The following CSMD1 variants were observed in gnomAD, a reference collection of about 807,000 sequenced individuals.
CSMD1 encodes CUB and sushi domain-containing protein 1.
In CSMD1, 213 loss-of-function variants were observed where a neutral mutation model predicts 417.5. The observed-to-expected ratio is 0.51, with a 90% CI of 0.46 to 0.57. CSMD1 has a LOEUF of 0.57. Among genes scored for constraint, CSMD1 ranks in the 20% least tolerant of loss-of-function variants. The probability of loss-of-function intolerance (pLI) is 0.00; values close to 1 mark genes in which losing one functional copy is unlikely to be tolerated. For missense variants in CSMD1, 6,923 were observed against 4,529.7 expected (o/e 1.53, Z -15.17); for synonymous variants, 2,862 against 1,736.8 (o/e 1.65, Z -16.11).
rs1204630576 is a variant in CSMD1, at chr8:3,965,780, G to A, written c.818+32123C>T. Among the ~76,000 whole-genome samples the A allele has an allele frequency of 2.0e-5, 3 of 152,082 alleles. No individual in the cohort carries two copies. The East Asian group carries it at 5.8e-4, about 30-fold the overall frequency. ...CTACAGGCATGTGACACCACACCTG[G>A]CTAATATTTTGTACCTTTAGTAGAG... On this transcript the variant is annotated intron_variant, in intron 5 of 69. Coordinates refer to ENST00000635120, the MANE Select transcript of CSMD1 (RefSeq NM_033225.6).
At chr8:4,528,993 G>A (rs1412714887) in intron 2 of CSMD1, among the ~76,000 whole-genome samples, 7 of 152,122 alleles carry the variant, frequency 4.6e-5, no homozygotes, top group Admixed American at 3.3e-4. Context: ...TTAACAAAAG[G>A]TGACGTTTGT....
intron 6 of CSMD1, among the ~76,000 whole-genome samples, chr8:3,709,344 T>C (rs1187303111): frequency 6.6e-6 from 1 of 152,108 alleles, no homozygotes; most frequent in Admixed American, 6.5e-5. Flanking sequence ...TCCAAATCTT[T>C]GCTTACAACA....
intron 41 of CSMD1, among the ~76,000 whole-genome samples, chr8:3,131,613 A>C (rs1817798860): frequency 6.6e-6 from 1 of 152,128 alleles, no homozygotes; most frequent in African/African-American, 2.4e-5. Flanking sequence ...CTGGGATTAA[A>C]GTTGCCTGCC....
chr8:4,791,519 A>T (rs536839277), intron 1 of CSMD1, among the ~76,000 whole-genome samples: 2 of 152,298 alleles, frequency 1.3e-5, no homozygotes, highest in Admixed American at 1.3e-4. Flanking sequence ...CCAATCCCCT[A>T]AAGTTGTATA....
chr8:4,529,202 C>G (rs954387402), intron 2 of CSMD1, among the ~76,000 whole-genome samples: 4 of 152,128 alleles, frequency 2.6e-5, no homozygotes, highest in African/African-American at 4.8e-5. Flanking sequence ...GGTCAAAACT[C>G]TTATCAGGAC....
In CSMD1 at chr8:4,310,959, C is replaced by A. The variant is rs187370861; in HGVS notation, c.415+108994G>T. 4.2e-3 allele frequency among the ~76,000 whole-genome samples: 635 copies of A among 152,308 alleles called. 4 individuals are homozygous for A. Among genetic ancestry groups the A allele is most frequent in the African/African-American group, 0.014 (591 of 41,568 alleles). ...AATCAAAACCTCAGTGAGATACTAT[C>A]TCCTACCAGTCGGAATGGCTACTGA... is the stretch of plus-strand genomic sequence containing the variant. On this transcript the variant is annotated intron_variant, in intron 3 of 69. Coordinates refer to ENST00000635120, the MANE Select transcript of CSMD1 (RefSeq NM_033225.6).
intron 2 of CSMD1, among the ~76,000 whole-genome samples, chr8:4,423,162 G>C (rs1419503096): frequency 6.6e-6 from 1 of 152,036 alleles, no homozygotes; most frequent in East Asian, 1.9e-4. Context: ...AACAAGTCAA[G>C]AATGCTTTGA....
chr8:4,214,924 C>A (rs764050319), intron 3 of CSMD1, among the ~76,000 whole-genome samples: 1 of 150,014 alleles, frequency 6.7e-6, no homozygotes, highest in Admixed American at 6.7e-5. Context: ...TTGTTTTCAG[C>A]TCACTTTTAA....
intron 2 of CSMD1, among the ~76,000 whole-genome samples, chr8:4,482,224 T>G (rs1210990556): frequency 1.3e-5 from 2 of 152,200 alleles, no homozygotes; most frequent in Non-Finnish European, 2.9e-5. Flanking sequence ...AGTAATTATT[T>G]TTCCAGATCC....
intron 3 of CSMD1, among the ~76,000 whole-genome samples, chr8:4,324,280 T>C (rs1799428911): frequency 6.6e-6 from 1 of 152,168 alleles, no homozygotes; most frequent in African/African-American, 2.4e-5. Context: ...CTCTTCCTCA[T>C]CACTAACTGC....
At chr8:3,345,623 G>C (rs896833235) in intron 22 of CSMD1, among the ~76,000 whole-genome samples, 2 of 152,138 alleles carry the variant, frequency 1.3e-5, no homozygotes, top group Admixed American at 6.6e-5. Flanking sequence ...TAGATTCAAA[G>C]GGTTCTTTTC....
intron 23 of CSMD1, among the ~76,000 whole-genome samples, chr8:3,319,880 G>T (rs1264512628): frequency 6.6e-6 from 1 of 151,920 alleles, no homozygotes; most frequent in Non-Finnish European, 1.5e-5. Flanking sequence ...CTCTTAGATG[G>T]GAATATCAAA....
chr8:4,171,195 C>G (rs75518940), intron 3 of CSMD1, among the ~76,000 whole-genome samples: 2,572 of 151,930 alleles, frequency 0.017, 124 homozygotes, highest in African/African-American at 0.056. Flanking sequence ...ATCACCATCA[C>G]AGACCTGTGT....
chr8:4,551,847 T>A (rs1240398567), intron 2 of CSMD1, among the ~76,000 whole-genome samples: 2 of 142,324 alleles, frequency 1.4e-5, no homozygotes, highest in African/African-American at 2.7e-5. Flanking sequence ...CATGGCTAAT[T>A]TTTTGTATTT....
chr8:3,061,788 T>C (rs1053315831), intron 49 of CSMD1, among the ~76,000 whole-genome samples: 2 of 152,234 alleles, frequency 1.3e-5, no homozygotes, highest in Non-Finnish European at 2.9e-5. Flanking sequence ...AAAGTTTTTC[T>C]AATTGCATTA....
intron 3 of CSMD1, among the ~76,000 whole-genome samples, chr8:4,154,120 C>G (rs1385089902): frequency 6.6e-6 from 1 of 152,170 alleles, no homozygotes; most frequent in African/African-American, 2.4e-5. Flanking sequence ...TCTGGCTTCA[C>G]AATCTGCGAC....
chr8:4,694,259 T>C (rs565544624), intron 1 of CSMD1, among the ~76,000 whole-genome samples: 1 of 152,228 alleles, frequency 6.6e-6, no homozygotes, highest in African/African-American at 2.4e-5. Context: ...TAACAGCTTG[T>C]CTCCTATCTA....
intron 3 of CSMD1, among the ~76,000 whole-genome samples, chr8:4,168,566 A>AG (rs922977240): frequency 5.3e-5 from 8 of 152,268 alleles, no homozygotes; most frequent in Admixed American, 4.6e-4. Context: ...GAGAAGCAGA[A>AG]GGACAATAGA....
At chr8:3,556,396 T>TA (rs1799145367) in intron 10 of CSMD1, among the ~76,000 whole-genome samples, 3 of 139,848 alleles carry the variant, frequency 2.1e-5, no homozygotes, top group Non-Finnish European at 1.5e-5. Flanking sequence ...ATAATTAATA[T>TA]ATATATATAT....
Sources: gnomAD v4.1 joint callset for allele counts (sites outside exome capture counted in the v4.1 genomes callset) on GRCh38, gnomAD v4.1.1 for gene constraint, MANE v1.5 for transcripts, NCBI Gene and HGNC (gene_info 2026-07-23, HGNC 2026-07-21) for gene names.